CAPZA1: variants seen among roughly 807,000 people sequenced by gnomAD.
CAPZA1 encodes the protein capping actin protein of muscle Z-line subunit alpha 1.
A neutral mutation model predicts 40.8 loss-of-function variants in CAPZA1; 10 were observed. The ratio of observed to expected loss-of-function variants is 0.25; its 90% CI spans 0.15 to 0.42. CAPZA1 has a LOEUF of 0.42. Ranked by LOEUF, CAPZA1 falls within the 10% of genes least tolerant of loss-of-function variation. The probability of loss-of-function intolerance (pLI) is 1.00; values close to 1 mark genes in which losing one functional copy is unlikely to be tolerated. For synonymous variants in CAPZA1, 98 were observed against 115.0 expected, an observed-to-expected ratio of 0.85 and a Z score of 0.95; for missense variants, 277 against 353.8, an observed-to-expected ratio of 0.78 and a Z score of 1.74.
chr1:112,621,051 G>A (rs1404886731), intron 1 of CAPZA1, among the ~76,000 whole-genome samples: 1 of 152,094 alleles, frequency 6.6e-6, no homozygotes, highest in Non-Finnish European at 1.5e-5. Context: ...CCTCTGTACG[G>A]AATAACTTGA....
At chr1:112,647,098 A>G in intron 1 of CAPZA1, 112 bp from the exon 2 acceptor site, 1 of 521,550 alleles carries the variant, frequency 1.9e-6, no homozygotes, top group Non-Finnish European at 3.2e-6. Context: ...AAATGTTTAA[A>G]CAGAACATTT....
chr1:112,623,622 G>A (rs113717639), intron 1 of CAPZA1, among the ~76,000 whole-genome samples: 9,590 of 150,304 alleles, frequency 0.064, 761 homozygotes, highest in African/African-American at 0.18. Flanking sequence ...CGGAGGTTGC[G>A]GTGACCCGAG....
intron 1 of CAPZA1, among the ~76,000 whole-genome samples, chr1:112,640,173 G>A (rs1204479483): frequency 8.8e-6 from 1 of 114,100 alleles, no homozygotes; most frequent in African/African-American, 3.4e-5. Flanking sequence ...CAGCCGCCCA[G>A]TCCGGGAGGG....
At chr1:112,646,317 C>T (rs1203980221) in intron 1 of CAPZA1, among the ~76,000 whole-genome samples, 1 of 152,196 alleles carries the variant, frequency 6.6e-6, no homozygotes, top group South Asian at 2.1e-4. Flanking sequence ...CGGTGGCTCA[C>T]ACCAATAATC....
At chr1:112,632,075 C>T (rs866405191) in intron 1 of CAPZA1, among the ~76,000 whole-genome samples, 12 of 152,144 alleles carry the variant, frequency 7.9e-5, no homozygotes, top group South Asian at 6.2e-4. Flanking sequence ...GAAGTCAAGG[C>T]GGGCGGATCA....
intron 1 of CAPZA1, among the ~76,000 whole-genome samples, chr1:112,632,484 G>A (rs972387446): frequency 2.6e-5 from 4 of 152,090 alleles, no homozygotes; most frequent in Non-Finnish European, 5.9e-5. Context: ...TCAAAAGTAG[G>A]GAATGAAGAA....
intron 7 of CAPZA1, among the ~76,000 whole-genome samples, chr1:112,664,128 A>G (rs1301266034): frequency 6.6e-6 from 1 of 150,392 alleles, no homozygotes; most frequent in African/African-American, 2.4e-5. Flanking sequence ...GCTACGTGGG[A>G]GGCTGAGGCA....
intron 1 of CAPZA1, among the ~76,000 whole-genome samples, chr1:112,627,093 A>C (rs2101138072): frequency 6.6e-6 from 1 of 152,384 alleles, no homozygotes. Flanking sequence ...AAACTGAGGC[A>C]CAGGCACATT....
chr1:112,623,121 G>A (rs567535749), intron 1 of CAPZA1, among the ~76,000 whole-genome samples: 4 of 152,156 alleles, frequency 2.6e-5, no homozygotes, highest in South Asian at 4.1e-4. Context: ...TCCTGACCTC[G>A]TGATCCGCCT....
intron 1 of CAPZA1, among the ~76,000 whole-genome samples, chr1:112,626,460 G>C (rs1028381711): frequency 6.6e-6 from 1 of 151,834 alleles, no homozygotes; most frequent in Non-Finnish European, 1.5e-5. Flanking sequence ...TAAAATGGTG[G>C]GACAGGGCAC....
At chr1:112,660,194 A>G (rs1477862586) in intron 7 of CAPZA1, among the ~76,000 whole-genome samples, 2 of 151,886 alleles carry the variant, frequency 1.3e-5, no homozygotes, top group Non-Finnish European at 2.9e-5. Flanking sequence ...GTTAATTCCT[A>G]AAAATTATAA....
chr1:112,660,897 G>A (rs961739638), intron 7 of CAPZA1, among the ~76,000 whole-genome samples: 16 of 120,880 alleles, frequency 1.3e-4, no homozygotes, highest in African/African-American at 3.3e-4. Flanking sequence ...TCGCTCTGTC[G>A]CCCAGCCTGG....
rs1031729332 is a variant in CAPZA1 at position 112,649,602 on chromosome 1, GT to G, written c.155+141del. ...GCAGTTGGTTTTAGCAATTTTCGTTGTTTTTTTTAATTGGAGAAAACATGTT... is the reference window on the plus strand; with the variant it reads ...GCAGTTGGTTTTAGCAATTTTCGTTGTTTTTTTAATTGGAGAAAACATGTT... On this transcript the variant is annotated intron_variant, in intron 3 of 9. Coordinates refer to ENST00000263168, the MANE Select transcript of CAPZA1 (RefSeq NM_006135.3). The G allele has an allele frequency of 7.9e-5, 57 of 718,808 alleles. No homozygotes were observed. In the South Asian group the frequency reaches 8.8e-4, roughly 11 times the overall value. 44.5% of individuals were successfully genotyped at this position (718,808 alleles called of 1,614,324 possible).
In CAPZA1 at chr1:112,647,251, G is replaced by A. The variant is rs1255490551; in HGVS notation, c.81G>A (p.Gly27=). ...AATTCATCACTCATGCACCCCCAGG[G>A]GAATTTAATGAAGTATTCAATGGTG... The part of the protein sequence containing the change: ...AAKFITHAPP[G]EFNEVFNDVR... The change falls in exon 2 of 10, where the codon GGG becomes GGA. Residue 27 remains glycine (G), a synonymous_variant. Transcript: ENST00000263168. 2.0e-6 allele frequency: 3 copies of A among 1,519,506 alleles called. No individual in the cohort carries two copies. Among genetic ancestry groups the A allele is most frequent in the South Asian group, 2.7e-5 (2 of 74,078 alleles). 94.1% of individuals were successfully genotyped at this position (1,519,506 alleles called of 1,614,324 possible). A position where few individuals can be genotyped will look rare whatever the true frequency, so the allele number is the denominator to read the frequency against.
At chr1:112,620,977 T>G (rs1424533454) in intron 1 of CAPZA1, among the ~76,000 whole-genome samples, 1 of 151,866 alleles carries the variant, frequency 6.6e-6, no homozygotes, top group African/African-American at 2.4e-5. Context: ...GCTCTGTAAA[T>G]CTACCTGGGT....
chr1:112,645,779 T>C (rs953938724), intron 1 of CAPZA1, among the ~76,000 whole-genome samples: 1 of 150,822 alleles, frequency 6.6e-6, no homozygotes, highest in African/African-American at 2.4e-5. Context: ...CCAAAAATCT[T>C]GGAAATTAAA....
chr1:112,628,973 T>C (rs567333395), intron 1 of CAPZA1, among the ~76,000 whole-genome samples: 76 of 152,336 alleles, frequency 5.0e-4, no homozygotes, highest in African/African-American at 1.8e-3. Flanking sequence ...AATACTATTT[T>C]TTATGGTTTC....
intron 1 of CAPZA1, among the ~76,000 whole-genome samples, chr1:112,625,276 C>G (rs1670783526): frequency 6.6e-6 from 1 of 152,114 alleles, no homozygotes; most frequent in African/African-American, 2.4e-5. Context: ...AACTGCAAAG[C>G]CTTATGGTTA....
At chr1:112,643,923 C>A (rs539466404) in intron 1 of CAPZA1, among the ~76,000 whole-genome samples, 19 of 151,624 alleles carry the variant, frequency 1.3e-4, no homozygotes, top group African/African-American at 3.9e-4. Context: ...CGGCTCACTG[C>A]AAACTCTGCC....
Sources: allele counts gnomAD v4.1 joint callset (sites outside exome capture counted in the v4.1 genomes callset), GRCh38; gene constraint gnomAD v4.1.1; transcripts MANE v1.5; gene names NCBI Gene and HGNC (gene_info 2026-07-23, HGNC 2026-07-21).